The following JARID2 variants were observed in gnomAD, a reference collection of about 807,000 sequenced individuals.
JARID2 encodes jumonji and AT-rich interaction domain containing 2.
JARID2 carries 21 observed loss-of-function variants against 125.6 expected under a neutral mutation model. That is an observed-to-expected ratio of 0.17 (90% CI 0.12 to 0.24). JARID2 has a LOEUF of 0.24. Among genes scored for constraint, JARID2 ranks in the 10% least tolerant of loss-of-function variants. JARID2 has a pLI of 1.00. For missense variants in JARID2, 1,303 were observed against 1,639.6 expected, an observed-to-expected ratio of 0.79 and a Z score of 3.55; for synonymous variants, 736 against 661.6, an observed-to-expected ratio of 1.11 and a Z score of -1.73.
chr6:15,261,800 T>TC (rs1309246023), intron 1 of JARID2, among the ~76,000 whole-genome samples: 6 of 151,682 alleles, frequency 4.0e-5, no homozygotes, highest in Non-Finnish European at 8.8e-5. Context: ...TTTTTTTTTT[T>TC]TGAGATGGAG....
chr6:15,286,649 A>G (rs1761012672), intron 1 of JARID2, among the ~76,000 whole-genome samples: 1 of 151,864 alleles, frequency 6.6e-6, no homozygotes, highest in Non-Finnish European at 1.5e-5. Context: ...TCACGAGGTC[A>G]GGAGATCGAG....
chr6:15,454,562 C>T (rs1366674181), intron 4 of JARID2, among the ~76,000 whole-genome samples: 1 of 152,014 alleles, frequency 6.6e-6, no homozygotes, highest in Non-Finnish European at 1.5e-5. Flanking sequence ...TAAGCAGCCT[C>T]GACCTCCTGG....
intron 5 of JARID2, among the ~76,000 whole-genome samples, chr6:15,471,039 G>T (rs1769052092): frequency 6.6e-6 from 1 of 152,212 alleles, no homozygotes; most frequent in South Asian, 2.1e-4. Context: ...AAAAATTATT[G>T]TATTCAGAGA....
intron 1 of JARID2, among the ~76,000 whole-genome samples, chr6:15,326,196 C>CT (rs1447604731): frequency 1.3e-5 from 2 of 152,062 alleles, no homozygotes; most frequent in Non-Finnish European, 2.9e-5. Flanking sequence ...CACCTTTACT[C>CT]TAAGTGAAGC....
At chr6:15,365,916 CT>C (rs569757426) in intron 1 of JARID2, among the ~76,000 whole-genome samples, 197 of 146,540 alleles carry the variant, frequency 1.3e-3, no homozygotes, top group Middle Eastern at 0.011. Context: ...TGACAGACTA[CT>C]TTTTTTTTTT....
intron 1 of JARID2, among the ~76,000 whole-genome samples, chr6:15,347,925 A>G (rs1763295972): frequency 1.3e-5 from 2 of 152,070 alleles, no homozygotes; most frequent in African/African-American, 4.8e-5. Flanking sequence ...TTGATTTTAA[A>G]AATGTTTTTG....
chr6:15,433,364 A>G (rs963879599), intron 3 of JARID2, among the ~76,000 whole-genome samples: 80 of 151,108 alleles, frequency 5.3e-4, no homozygotes, highest in African/African-American at 1.9e-3. Flanking sequence ...AATTATTTAT[A>G]GTCTAGTTGT....
chr6:15,516,887 G>A (rs1426759028), intron 16 of JARID2, among the ~76,000 whole-genome samples: 1 of 152,208 alleles, frequency 6.6e-6, no homozygotes, highest in Admixed American at 6.5e-5. Context: ...ATCTGGAGGG[G>A]ACTTGAGGGC....
At chr6:15,308,260 G>A (rs1342970409) in intron 1 of JARID2, among the ~76,000 whole-genome samples, 1 of 151,930 alleles carries the variant, frequency 6.6e-6, no homozygotes, top group Non-Finnish European at 1.5e-5. Flanking sequence ...GTTTTAAACT[G>A]CAGGTTTATA....
chr6:15,462,422 G>T (rs1224539528), intron 4 of JARID2, among the ~76,000 whole-genome samples: 1 of 152,180 alleles, frequency 6.6e-6, no homozygotes, highest in Non-Finnish European at 1.5e-5. Context: ...CAGCTGCCCT[G>T]TTTGAGTCTC....
chr6:15,520,174 A>C lies in JARID2; in HGVS notation c.3664A>C (p.Lys1222Gln). ...ACCCACACCAAAAAGAGGTCCCCGC[A>C]AGAGAGCGACAGTGGACGTGCCCCC... The part of the protein sequence containing the change: ...SKPTPKRGPR[K>Q]RATVDVPPSR... The change falls in exon 18 of 18, where the codon AAG (lysine) becomes CAG (glutamine). Residue 1222 changes from lysine (K) to glutamine (Q), a missense_variant. Physicochemically the swap from Lys to Gln is moderately conservative, Grantham distance 53. Around this residue, in one of 11 missense-constraint regions of JARID2, gnomAD observed 75 missense variants for 66.0 expected, o/e 1.14. Coordinates refer to ENST00000341776, the MANE Select transcript of JARID2 (RefSeq NM_004973.4). The C allele has an allele frequency of 6.2e-7, 1 of 1,614,062 alleles. No homozygotes were observed. Among genetic ancestry groups the C allele is most frequent in the Non-Finnish European group, 8.5e-7 (1 of 1,179,982 alleles).
intron 1 of JARID2, among the ~76,000 whole-genome samples, chr6:15,253,536 C>T (rs763074941): frequency 1.4e-4 from 21 of 152,128 alleles, no homozygotes; most frequent in Non-Finnish European, 2.5e-4. Flanking sequence ...AAAGAGCCCA[C>T]GCAGATTGTT....
intron 1 of JARID2, among the ~76,000 whole-genome samples, chr6:15,354,900 T>C (rs532867487): frequency 6.6e-6 from 1 of 152,322 alleles, no homozygotes; most frequent in South Asian, 2.1e-4. Flanking sequence ...ATTTGAGAAC[T>C]GAATATTAGA....
chr6:15,513,215 CG>C, intron 15 of JARID2, 23 bp from the exon 16 acceptor site: 1 of 1,551,184 alleles, frequency 6.4e-7, no homozygotes, highest in Non-Finnish European at 8.7e-7. Context: ...ACTAAAGGTG[CG>C]GGCCGTCTCC....
intron 9 of JARID2, 21 bp downstream of exon 9, chr6:15,504,613 C>A: frequency 6.6e-7 from 1 of 1,523,380 alleles, no homozygotes; most frequent in Non-Finnish European, 9.1e-7. Context: ...GGGCCCCTCA[C>A]GCTGCCTCTC....
rs1415929879 is a variant in JARID2, at chr6:15,283,907, C to T, written c.45+37323C>T. Among the ~76,000 whole-genome samples, 6 of 151,928 alleles carry T rather than the reference C, an allele frequency of 3.9e-5. No individual in the cohort carries two copies. In the East Asian group the frequency reaches 5.8e-4, roughly 15 times the overall value. ...AATTTTTAGTAGAGATGGGGTTTCA[C>T]CATGTTAGCCAGGATGGTCTCCATC... On this transcript the variant is annotated intron_variant, in intron 1 of 17. Transcript: ENST00000341776.
intron 1 of JARID2, among the ~76,000 whole-genome samples, chr6:15,373,421 T>A (rs11757092): frequency 0.5 from 75,930 of 152,046 alleles, 19,131 homozygotes; most frequent in Middle Eastern, 0.58. Context: ...CTTGTATTCG[T>A]TCTGGAGCAA....
At chr6:15,503,417 G>A (rs953728324) in intron 8 of JARID2, among the ~76,000 whole-genome samples, 3 of 152,192 alleles carry the variant, frequency 2.0e-5, no homozygotes, top group Non-Finnish European at 4.4e-5. Flanking sequence ...TCTCCATGCC[G>A]ACTACGACTG....
intron 1 of JARID2, among the ~76,000 whole-genome samples, chr6:15,328,347 AT>A (rs1762600055): frequency 6.6e-6 from 1 of 152,236 alleles, no homozygotes; most frequent in South Asian, 2.1e-4. Context: ...GCAGGATGAT[AT>A]GCTTTACATG....
Sources: allele counts gnomAD v4.1 joint callset (sites outside exome capture counted in the v4.1 genomes callset), GRCh38; gene constraint gnomAD v4.1.1; regional missense constraint gnomAD v4.1.1; transcripts MANE v1.5; gene names NCBI Gene and HGNC (gene_info 2026-07-23, HGNC 2026-07-21).